ANKHD1: variants seen among roughly 807,000 people sequenced by gnomAD.
ANKHD1 encodes ankyrin repeat and KH domain containing 1.
ANKHD1 carries 31 observed loss-of-function variants against 230.5 expected under a neutral mutation model. That is an observed-to-expected ratio of 0.13 (90% CI 0.10 to 0.18). ANKHD1 has a LOEUF of 0.18. ANKHD1 is among the 10% of genes least tolerant of loss of function. ANKHD1 has a pLI of 1.00. For missense variants in ANKHD1, 2,256 were observed against 3,071.3 expected, an observed-to-expected ratio of 0.73 and a Z score of 6.27; for synonymous variants, 1,074 against 1,117.6, an observed-to-expected ratio of 0.96 and a Z score of 0.78.
chr5:140,415,244 A>G (rs1314980018), intron 1 of ANKHD1, among the ~76,000 whole-genome samples: 2 of 151,724 alleles, frequency 1.3e-5, no homozygotes, highest in Non-Finnish European at 2.9e-5. Flanking sequence ...TTAGCCGGGC[A>G]TGGTGGTGCC....
rs2127055600 is a variant in ANKHD1, at chr5:140,507,977, C to T, written c.3744C>T (p.Ala1248=). ...EVVSLLLDRK[A]NVEHRAKTGL... Reference sequence around the variant, plus strand: ...TGAGTTTGCTTCTGGACCGAAAAGCCAATGTTGAACATAGGGCAAAGGTAA... The same window carrying T: ...TGAGTTTGCTTCTGGACCGAAAAGCTAATGTTGAACATAGGGCAAAGGTAA... Residue 1248 remains alanine (A), a synonymous_variant, in exon 20 of 34, where the codon GCC becomes GCT. Transcript: ENST00000360839. This position sits in a 1 kb window ranked among gnomAD's most constrained non-coding sequence, Gnocchi z 4.1. 6.2e-7 allele frequency: 1 copy of T among 1,613,828 alleles called. No individual in the cohort carries two copies.
At chr5:140,513,504 T>G in intron 24 of ANKHD1, 25 bp downstream of exon 24, 2 of 1,606,902 alleles carry the variant, frequency 1.2e-6, no homozygotes, top group Non-Finnish European at 1.7e-6. Flanking sequence ...TAATTTTCCT[T>G]TTTAGAAATT....
intron 7 of ANKHD1, among the ~76,000 whole-genome samples, chr5:140,455,496 C>T (rs1775104380): frequency 6.6e-6 from 1 of 152,176 alleles, no homozygotes; most frequent in Non-Finnish European, 1.5e-5. Context: ...TCCAGCAGCA[C>T]ATCAAAAAGC....
chr5:140,410,959 G>A (rs1250096244), intron 1 of ANKHD1, among the ~76,000 whole-genome samples: 1 of 152,122 alleles, frequency 6.6e-6, no homozygotes, highest in Admixed American at 6.5e-5. Context: ...GTAAAGGTGG[G>A]ATTTGAATGT....
rs1774249886 is a variant in ANKHD1 at position 140,445,993 on chromosome 5, G to A, written c.1147+18G>A. The stretch of plus-strand genomic sequence containing the variant: ...CTACAAAGGTACTTAATACATGTAT[G>A]AATATTTATAATGTTTTTCGTAACC... On this transcript the variant is annotated intron_variant, in intron 6 of 33. Transcript: ENST00000360839. 1 of 1,548,326 alleles carries A rather than the reference G, an allele frequency of 6.5e-7. No homozygotes were observed. Among genetic ancestry groups the A allele is most frequent in the South Asian group, 1.3e-5 (1 of 79,264 alleles).
chr5:140,534,540 A>G (rs549854611), intron 29 of ANKHD1, among the ~76,000 whole-genome samples: 2 of 152,360 alleles, frequency 1.3e-5, no homozygotes, highest in African/African-American at 2.4e-5. Context: ...CTAAAATCCA[A>G]TGAATTATAT....
intron 1 of ANKHD1, among the ~76,000 whole-genome samples, chr5:140,412,432 A>G (rs1191174071): frequency 1.3e-5 from 2 of 152,190 alleles, no homozygotes; most frequent in Non-Finnish European, 2.9e-5. Context: ...GGCCAAGATT[A>G]CAGGCATGAG....
intron 1 of ANKHD1, among the ~76,000 whole-genome samples, chr5:140,425,400 A>G (rs1347987269): frequency 6.6e-6 from 1 of 152,130 alleles, no homozygotes; most frequent in Non-Finnish European, 1.5e-5. Flanking sequence ...AGCTGGGACT[A>G]TAGGTATGCA....
chr5:140,445,813 G>A lies in ANKHD1; in HGVS notation c.985G>A (p.Ala329Thr), dbSNP rs1561733576. ...TGTTAAAGTGCTCCTTAATGAAGGTGCAAATATAGAAGATCATAATGAAAA... is the reference window on the plus strand; with the variant it reads ...TGTTAAAGTGCTCCTTAATGAAGGTACAAATATAGAAGATCATAATGAAAA... ...DIVKVLLNEGANIEDHNENGH... is the reference protein window; with the variant it reads ...DIVKVLLNEGTNIEDHNENGH... Residue 329 changes from alanine (A) to threonine (T), a missense_variant, in exon 6 of 34, where the codon GCA (alanine) becomes ACA (threonine). Around this residue, in one of 13 missense-constraint regions of ANKHD1, gnomAD observed 206 missense variants for 304.5 expected, o/e 0.68. Transcript: ENST00000360839. The A allele has an allele frequency of 1.2e-6, 2 of 1,613,484 alleles. No individual in the cohort carries two copies. Among genetic ancestry groups the A allele is most frequent in the South Asian group, 1.1e-5 (1 of 90,998 alleles).
rs1258594193 is a variant in ANKHD1 at position 140,538,992 on chromosome 5, C to T, written c.7478C>T (p.Pro2493Leu). 1.2e-6 allele frequency: 2 copies of T among 1,610,876 alleles called. No individual in the cohort carries two copies. Among genetic ancestry groups the T allele is most frequent in the Non-Finnish European group, 1.7e-6 (2 of 1,178,540 alleles). Residue 2493 changes from proline to leucine, a missense_variant, in exon 33 of 34, where the codon CCT becomes CTT. Around this residue, in one of 13 missense-constraint regions of ANKHD1, gnomAD observed 778 missense variants for 966.5 expected, o/e 0.80. Transcript: ENST00000360839. ...HPQLADVPGG[P>L]LFNGLHNPDP... ...CAGCTTGCTGATGTTCCAGGAGGCC[C>T]TCTGTTTAATGGACTTCACAATCCA...
At chr5:140,420,380 A>G (rs905993675) in intron 1 of ANKHD1, among the ~76,000 whole-genome samples, 3 of 152,124 alleles carry the variant, frequency 2.0e-5, no homozygotes, top group Middle Eastern at 6.3e-3. Context: ...TCTTGTTGTC[A>G]TGTCTAAGAA....
intron 5 of ANKHD1, among the ~76,000 whole-genome samples, chr5:140,441,592 C>G (rs551647044): frequency 6.6e-6 from 1 of 151,610 alleles, no homozygotes; most frequent in African/African-American, 2.4e-5. Flanking sequence ...AGAGATAAGA[C>G]ATTGGTTACC....
chr5:140,539,521 T>TA lies in ANKHD1; in HGVS notation c.*103_*104insA. 1 of 1,302,366 alleles carries TA rather than the reference T, an allele frequency of 7.7e-7. No homozygotes were observed. The highest frequency in any genetic ancestry group is 1.1e-6 in the Non-Finnish European group (1 of 936,586). The allele number at this position is 1,302,366 out of a possible 1,614,324, so 80.7% of individuals were successfully genotyped here. On this transcript the variant is annotated 3_prime_UTR_variant, in exon 34 of 34. Coordinates refer to ENST00000360839, the MANE Select transcript of ANKHD1 (RefSeq NM_017747.3). ...TGCCTAAGAAATTTTCTCTGAGGCTTTAGCAATGGAAATTTGATTGCCCAT... is the reference window on the plus strand; with the variant it reads ...TGCCTAAGAAATTTTCTCTGAGGCTTATAGCAATGGAAATTTGATTGCCCAT...
intron 10 of ANKHD1, chr5:140,465,321 A>G (rs1776008346): frequency 6.6e-6 from 1 of 152,234 alleles, no homozygotes; most frequent in Non-Finnish European, 1.5e-5. Context: ...CTTCTAGTAC[A>G]TTCCTACAAA....
chr5:140,497,768 A>T (rs1452567179), intron 15 of ANKHD1, among the ~76,000 whole-genome samples: 1 of 152,134 alleles, frequency 6.6e-6, no homozygotes, highest in African/African-American at 2.4e-5. Flanking sequence ...TCCATATTAT[A>T]ATATTTGTGG....
chr5:140,504,511 G>A (rs1234610248), intron 15 of ANKHD1, among the ~76,000 whole-genome samples: 1 of 152,130 alleles, frequency 6.6e-6, no homozygotes, highest in African/African-American at 2.4e-5. Flanking sequence ...CTAAATATCA[G>A]GTGCTGTGTT....
intron 1 of ANKHD1, among the ~76,000 whole-genome samples, chr5:140,417,088 C>T (rs559303988): frequency 1.1e-4 from 16 of 152,050 alleles, no homozygotes; most frequent in Non-Finnish European, 1.8e-4. Flanking sequence ...GCCATTGAAC[C>T]CAAAATAACA....
chr5:140,516,302 G>A lies in ANKHD1; in HGVS notation c.4317+2823G>A, dbSNP rs971065488. On this transcript the variant is annotated intron_variant, in intron 24 of 33. Coordinates refer to ENST00000360839, the MANE Select transcript of ANKHD1 (RefSeq NM_017747.3). ...CAAGAAATATGGGACTATGTGAAAA[G>A]ACCAAATCTACGTCTGATTGGTGTA... 5.9e-5 allele frequency among the ~76,000 whole-genome samples: 9 copies of A among 152,306 alleles called. 1 individual carries two copies. Among genetic ancestry groups the A allele is most frequent in the Middle Eastern group, 6.8e-3 (2 of 294 alleles).
At chr5:140,515,734 TC>T (rs1377596134) in intron 24 of ANKHD1, among the ~76,000 whole-genome samples, 1 of 152,022 alleles carries the variant, frequency 6.6e-6, no homozygotes, top group African/African-American at 2.4e-5. Context: ...CAGCTGAGGG[TC>T]CTGTCTGTTA....
Sources: allele counts gnomAD v4.1 joint callset (sites outside exome capture counted in the v4.1 genomes callset), GRCh38; gene constraint gnomAD v4.1.1; regional missense constraint gnomAD v4.1.1; non-coding constraint Gnocchi (gnomAD v3.1); transcripts MANE v1.5; gene names NCBI Gene and HGNC (gene_info 2026-07-23, HGNC 2026-07-21).